HEATR5B: variants seen among roughly 807,000 people sequenced by gnomAD.
HEATR5B encodes the protein HEAT repeat containing 5B, also known as HEAT repeat-containing protein 5B.
HEATR5B carries 156 observed loss-of-function variants against 224.1 expected under a neutral mutation model. The ratio of observed to expected loss-of-function variants is 0.70; its 90% CI spans 0.61 to 0.80. The LOEUF is 0.80. HEATR5B is among the 30% of genes least tolerant of loss of function. The probability of loss-of-function intolerance (pLI) is 0.00; values close to 1 mark genes in which losing one functional copy is unlikely to be tolerated. For synonymous variants in HEATR5B, 1,027 were observed against 893.0 expected (o/e 1.15, Z -2.68); for missense variants, 2,323 against 2,535.5 (o/e 0.92, Z 1.80).
At chr2:37,040,861 G>T (rs1299752407) in intron 19 of HEATR5B, among the ~76,000 whole-genome samples, 1 of 150,116 alleles carries the variant, frequency 6.7e-6, no homozygotes, top group Non-Finnish European at 1.5e-5. Context: ...CAAATCTAAA[G>T]AAATAAAAAA....
intron 6 of HEATR5B, 59 bp from the exon 7 acceptor site, chr2:37,070,446 T>C: frequency 7.8e-7 from 1 of 1,284,050 alleles, no homozygotes; most frequent in Non-Finnish European, 1.1e-6. Flanking sequence ...TCTAGCTTAA[T>C]AATTCAAGTA....
intron 24 of HEATR5B, among the ~76,000 whole-genome samples, chr2:37,026,185 G>T (rs992706555): frequency 1.3e-5 from 2 of 152,158 alleles, no homozygotes; most frequent in Non-Finnish European, 2.9e-5. Flanking sequence ...TGGCTTTGAA[G>T]AGAGAGAGGG....
intron 30 of HEATR5B, among the ~76,000 whole-genome samples, chr2:37,004,576 A>G (rs1485473856): frequency 6.6e-6 from 1 of 151,602 alleles, no homozygotes; most frequent in Non-Finnish European, 1.5e-5. Context: ...ATCTTCTACT[A>G]TCTGGCTACT....
intron 34 of HEATR5B, among the ~76,000 whole-genome samples, chr2:36,989,288 G>A (rs1666163366): frequency 6.6e-6 from 1 of 152,154 alleles, no homozygotes. Flanking sequence ...GTTTCACCAT[G>A]TTGGTCAGGA....
chr2:37,070,492 T>C lies in HEATR5B; in HGVS notation c.770-105A>G. ...AGGACACTTTACTACAATGGGGAAA[T>C]GGTTTAGTTTCCTTATAATTGTTTT... On this transcript the variant is annotated intron_variant, in intron 6 of 35. Coordinates refer to ENST00000233099, the MANE Select transcript of HEATR5B (RefSeq NM_019024.3). The C allele has an allele frequency of 3.7e-6, 3 of 800,898 alleles. 1 individual carries two copies. The highest frequency in any genetic ancestry group is 1.7e-5 in the African/African-American group (1 of 57,870). 49.6% of individuals were successfully genotyped at this position (800,898 alleles called of 1,614,324 possible).
chr2:37,005,668 G>C lies in HEATR5B; in HGVS notation c.4869C>G (p.Asp1623Glu). ...CAATATGGACTCGAGCATAAGGGGA[G>C]TCTAGCAAGGTATGTAAGGCCTGCA... ...ACLQALHTLL[D>E]SPYARVHIAE... Residue 1623 changes from aspartate (D) to glutamate (E), a missense_variant, in exon 30 of 36, where the codon GAC becomes GAG. By Grantham distance (45) the Asp-to-Glu change is conservative (BLOSUM62 2). Around this residue, in one of 12 missense-constraint regions of HEATR5B, gnomAD observed 844 missense variants for 812.9 expected, o/e 1.04. Transcript: ENST00000233099. 7 of 1,613,436 alleles carry C rather than the reference G, an allele frequency of 4.3e-6. No homozygotes were observed. Among genetic ancestry groups the C allele is most frequent in the Non-Finnish European group, 5.9e-6 (7 of 1,179,444 alleles).
intron 22 of HEATR5B, among the ~76,000 whole-genome samples, chr2:37,030,601 C>A: frequency 6.6e-6 from 1 of 152,158 alleles, no homozygotes; most frequent in East Asian, 1.9e-4. Context: ...GTGCATGACT[C>A]TACATTTCTA....
chr2:37,080,665 C>A (rs570196652), intron 2 of HEATR5B, among the ~76,000 whole-genome samples: 1 of 151,844 alleles, frequency 6.6e-6, no homozygotes, highest in East Asian at 1.9e-4. Context: ...CTCTGAGATG[C>A]CACTTAGATA....
chr2:37,064,728 T>A lies in HEATR5B; in HGVS notation c.1584+12A>T. The A allele has an allele frequency of 2.5e-6, 4 of 1,613,026 alleles. No homozygotes were observed. The highest frequency in any genetic ancestry group is 1.1e-5 in the South Asian group (1 of 91,056). On this transcript the variant is annotated intron_variant, in intron 10 of 35. Coordinates refer to ENST00000233099, the MANE Select transcript of HEATR5B (RefSeq NM_019024.3). Reference sequence around the variant, plus strand: ...CGTGACAGCATTCCCAAGTCTAGGATCTCCGTCATACCTTTCCTTTGGCAT... The same window carrying A: ...CGTGACAGCATTCCCAAGTCTAGGAACTCCGTCATACCTTTCCTTTGGCAT...
intron 9 of HEATR5B, 140 bp from the exon 10 acceptor site, chr2:37,065,130 A>G: frequency 1.4e-6 from 1 of 734,260 alleles, no homozygotes; most frequent in Non-Finnish European, 2.2e-6. Context: ...GCCTAAAACT[A>G]CATACAGTAG....
At position 36,981,813 on chromosome 2, in the gene HEATR5B, G is replaced by GA. The variant is rs781733991; in HGVS notation, c.5912-20dup. ...TGGACTCCTGTAAATAATAAAGTAT[G>GA]AAAAAAGATCACAAACATAAGGATT... On this transcript the variant is annotated intron_variant, in intron 35 of 35. Transcript: ENST00000233099. 3.2e-6 allele frequency: 5 copies of GA among 1,539,314 alleles called. No homozygotes were observed. Among genetic ancestry groups the GA allele is most frequent in the Non-Finnish European group, 4.4e-6 (5 of 1,136,972 alleles).
At chr2:37,059,137 GCAA>G (rs1671093891) in intron 12 of HEATR5B, 150 bp from the exon 13 acceptor site, 2 of 447,904 alleles carry the variant, frequency 4.5e-6, no homozygotes, top group South Asian at 1.4e-4. Flanking sequence ...AGAAAAACTT[GCAA>G]CAACTACAAA....
At chr2:37,032,098 C>A (rs1029283930) in intron 22 of HEATR5B, among the ~76,000 whole-genome samples, 2 of 152,272 alleles carry the variant, frequency 1.3e-5, no homozygotes, top group East Asian at 3.9e-4. Flanking sequence ...AAAATTACAT[C>A]GCAAGAGGCT....
intron 27 of HEATR5B, among the ~76,000 whole-genome samples, chr2:37,009,856 G>A (rs1411824085): frequency 6.6e-6 from 1 of 150,974 alleles, no homozygotes; most frequent in Non-Finnish European, 1.5e-5. Flanking sequence ...AGACAACCAG[G>A]CATTCAAAGT....
At chr2:36,996,062 T>A (rs1160039602) in intron 33 of HEATR5B, among the ~76,000 whole-genome samples, 1 of 130,636 alleles carries the variant, frequency 7.7e-6, no homozygotes, top group African/African-American at 2.7e-5. Context: ...AATAATGCAA[T>A]TCTTTTTTTT....
intron 2 of HEATR5B, among the ~76,000 whole-genome samples, chr2:37,082,052 CTTT>C (rs61036576): frequency 1.7e-3 from 40 of 23,930 alleles, no homozygotes; most frequent in Admixed American, 3.8e-3. Flanking sequence ...GAAGTATCTA[CTTT>C]TTTTTTTTTT....
At chr2:37,019,339 A>G (rs1313966312) in intron 26 of HEATR5B, among the ~76,000 whole-genome samples, 3 of 152,132 alleles carry the variant, frequency 2.0e-5, no homozygotes, top group Non-Finnish European at 4.4e-5. Flanking sequence ...GGTCAAAAAC[A>G]ATGTTTTGAC....
intron 5 of HEATR5B, among the ~76,000 whole-genome samples, chr2:37,072,922 C>T (rs533870229): frequency 5.4e-4 from 82 of 152,288 alleles, no homozygotes; most frequent in African/African-American, 1.9e-3. Context: ...AAACAGATAA[C>T]CTGAATAGCC....
intron 12 of HEATR5B, 46 bp downstream of exon 12, chr2:37,060,535 T>A: frequency 6.9e-7 from 1 of 1,441,038 alleles, no homozygotes; most frequent in South Asian, 1.5e-5. Flanking sequence ...TACAAATATT[T>A]TAGTTATGTC....
Sources: allele counts gnomAD v4.1 joint callset (sites outside exome capture counted in the v4.1 genomes callset), GRCh38; gene constraint gnomAD v4.1.1; regional missense constraint gnomAD v4.1.1; transcripts MANE v1.5; gene names NCBI Gene and HGNC (gene_info 2026-07-23, HGNC 2026-07-21).